Variants in CFAP61 observed in about 807,000 individuals in gnomAD.
The protein encoded by CFAP61 is cilia- and flagella-associated protein 61.
CFAP61 carries 107 observed loss-of-function variants against 135.6 expected under a neutral mutation model. The observed-to-expected ratio is 0.79, with a 90% CI of 0.67 to 0.93. The LOEUF (loss-of-function observed/expected upper bound fraction) is 0.93. CFAP61 is among the 40% of genes least tolerant of loss of function. The pLI is 0.00. For synonymous variants in CFAP61, 575 were observed against 578.5 expected (o/e 0.99, Z 0.09); for missense variants, 1,507 against 1,556.2 (o/e 0.97, Z 0.53).
chr20:20,188,050 A>G lies in CFAP61; in HGVS notation c.1506A>G (p.Lys502=), dbSNP rs762275150. 6 of 1,614,216 alleles carry G rather than the reference A, an allele frequency of 3.7e-6. No homozygotes were observed. The Admixed American group carries it at 1.0e-4, about 27-fold the overall frequency. Residue 502 remains lysine, a synonymous_variant, in exon 14 of 27, where the codon AAA becomes AAG. Coordinates refer to ENST00000245957, the MANE Select transcript of CFAP61 (RefSeq NM_015585.4). The part of the protein sequence containing the change: ...EDLDRYNKAR[K]DPDGTLLQAF... ...TAGACCGTTACAACAAGGCTCGCAA[A>G]GACCCTGTAAGTACCTGTTGTGACC... is the stretch of plus-strand genomic sequence containing the variant.
At chr20:20,070,002 C>T (rs1049610623) in intron 2 of CFAP61, 2 of 276,910 alleles carry the variant, frequency 7.2e-6, no homozygotes, top group African/African-American at 2.2e-5. Context: ...GTAAAAAATG[C>T]ATTTAAATTT....
At chr20:20,159,792 G>C (rs923627858) in intron 10 of CFAP61, among the ~76,000 whole-genome samples, 1 of 152,204 alleles carries the variant, frequency 6.6e-6, no homozygotes, top group African/African-American at 2.4e-5. Flanking sequence ...AGTTTTCTCT[G>C]TATCATATGC....
chr20:20,103,541 C>T (rs565054336), intron 8 of CFAP61, among the ~76,000 whole-genome samples: 5 of 152,204 alleles, frequency 3.3e-5, no homozygotes, highest in African/African-American at 1.2e-4. Context: ...CAGTCATACA[C>T]ACTTACAAAG....
chr20:20,177,590 G>A (rs2054728791), intron 13 of CFAP61, among the ~76,000 whole-genome samples: 1 of 151,658 alleles, frequency 6.6e-6, no homozygotes, highest in South Asian at 2.1e-4. Flanking sequence ...AAAATCCACA[G>A]CACTGACTGC....
rs993358609 is a variant in CFAP61 at position 20,196,689 on chromosome 20, C to T, written c.1710C>T (p.Tyr570=). 2.7e-5 allele frequency: 43 copies of T among 1,614,058 alleles called. No individual in the cohort carries two copies. Among genetic ancestry groups the T allele is most frequent in the Non-Finnish European group, 3.4e-5 (40 of 1,180,038 alleles). The change falls in exon 16 of 27, where the codon TAC becomes TAT. Residue 570 remains tyrosine, a synonymous_variant. Transcript: ENST00000245957. ...CCCTCAACCCCATTTTCCGGCACTA[C>T]ACCAAGTTCTTTCTGAAGGAGATCC... The part of the protein sequence containing the change: ...HFALNPIFRH[Y]TKFFLKEILR...
intron 2 of CFAP61, among the ~76,000 whole-genome samples, chr20:20,060,772 A>G (rs1184311834): frequency 6.6e-6 from 1 of 152,230 alleles, no homozygotes; most frequent in Admixed American, 6.5e-5. Flanking sequence ...TGCAACTTCC[A>G]CTGGGTCTCC....
chr20:20,089,297 C>T (rs1443684345), intron 6 of CFAP61, among the ~76,000 whole-genome samples: 1 of 152,050 alleles, frequency 6.6e-6, no homozygotes, highest in African/African-American at 2.4e-5. Flanking sequence ...TGCTCTCCTC[C>T]CTCTGCAAAG....
At chr20:20,324,861 C>T (rs921597591) in intron 25 of CFAP61, among the ~76,000 whole-genome samples, 4 of 152,098 alleles carry the variant, frequency 2.6e-5, no homozygotes, top group African/African-American at 4.8e-5. Context: ...CTGTGAATTG[C>T]GTGTCATTCT....
rs142893593 is a variant in CFAP61, at chr20:20,141,924, C to T, written c.860-933C>T. Among the ~76,000 whole-genome samples, 618 of 152,230 alleles carry T rather than the reference C, an allele frequency of 4.1e-3. 1 individual carries two copies. Among genetic ancestry groups the T allele is most frequent in the African/African-American group, 0.014 (583 of 41,540 alleles). On this transcript the variant is annotated intron_variant, in intron 8 of 26. Transcript: ENST00000245957. Reference sequence around the variant, plus strand: ...AGGGTCCCTCCTACATCTGTGGCAGCGCTTCTGAGGAGGGGCAGCCATGAG... The same window carrying T: ...AGGGTCCCTCCTACATCTGTGGCAGTGCTTCTGAGGAGGGGCAGCCATGAG...
chr20:20,090,767 C>G, intron 6 of CFAP61, 77 bp from the exon 7 acceptor site: 1 of 1,449,834 alleles, frequency 6.9e-7, no homozygotes, highest in Non-Finnish European at 9.6e-7. Context: ...AGAACAGGGT[C>G]TGGCACACAG....
At chr20:20,082,638 C>A (rs1203968831) in intron 6 of CFAP61, among the ~76,000 whole-genome samples, 4 of 152,178 alleles carry the variant, frequency 2.6e-5, no homozygotes, top group Non-Finnish European at 4.4e-5. Flanking sequence ...TATGTGCTTT[C>A]AAACAATGTT....
chr20:20,298,334 C>G lies in CFAP61; in HGVS notation c.3370C>G (p.Leu1124Val). The G allele has an allele frequency of 6.2e-7, 1 of 1,614,184 alleles. No individual in the cohort carries two copies. The highest frequency in any genetic ancestry group is 1.1e-5 in the South Asian group (1 of 91,072). The change falls in exon 25 of 27, where the codon CTC (leucine) becomes GTC (valine). Residue 1124 changes from leucine (L) to valine (V), a missense_variant. By Grantham distance (32) the Leu-to-Val change is conservative. Transcript: ENST00000245957. ...IRLFGQHEQLLNNLCARYDEN... is the reference protein window; with the variant it reads ...IRLFGQHEQLVNNLCARYDEN... ...CTTGTTTGGCCAGCACGAGCAACTC[C>G]TCAACAACCTGTGTGCTCGGTACGA...
At chr20:20,329,930 GT>G (rs1450425402) in intron 25 of CFAP61, among the ~76,000 whole-genome samples, 1 of 152,222 alleles carries the variant, frequency 6.6e-6, no homozygotes, top group Non-Finnish European at 1.5e-5. Context: ...GTACCGTATT[GT>G]GGTTCTCTTT....
chr20:20,318,141 T>C (rs574004381), intron 25 of CFAP61, among the ~76,000 whole-genome samples: 15 of 152,142 alleles, frequency 9.9e-5, no homozygotes, highest in Non-Finnish European at 1.9e-4. Context: ...GTGGATCTTA[T>C]GCAGGGTGCC....
chr20:20,138,907 A>G (rs997360236), intron 8 of CFAP61, among the ~76,000 whole-genome samples: 2 of 152,154 alleles, frequency 1.3e-5, no homozygotes, highest in Non-Finnish European at 2.9e-5. Flanking sequence ...ATTCTGTTCT[A>G]TTCTTGCCCC....
intron 25 of CFAP61, among the ~76,000 whole-genome samples, chr20:20,321,305 A>T (rs368088779): frequency 2.6e-5 from 4 of 152,176 alleles, no homozygotes; most frequent in Non-Finnish European, 5.9e-5. Flanking sequence ...GAAGAGTAGG[A>T]GGAGCTAGCA....
chr20:20,331,195 C>T (rs751452321), intron 25 of CFAP61, among the ~76,000 whole-genome samples: 1 of 152,068 alleles, frequency 6.6e-6, no homozygotes, highest in Non-Finnish European at 1.5e-5. Flanking sequence ...CCTTCTCCTC[C>T]GTTTATTTAC....
At chr20:20,214,453 C>T (rs2047894763) in intron 17 of CFAP61, 1 of 152,184 alleles carries the variant, frequency 6.6e-6, no homozygotes, top group Admixed American at 6.5e-5. Context: ...ATTCTCCCTC[C>T]ATGACTTGGA....
intron 9 of CFAP61, 146 bp downstream of exon 9, chr20:20,143,094 C>T (rs938379235): frequency 6.8e-6 from 4 of 587,828 alleles, no homozygotes; most frequent in African/African-American, 1.9e-5. Flanking sequence ...GTAAGCACAC[C>T]GCGAGCTGGG....
Sources: gnomAD v4.1 joint callset for allele counts (sites outside exome capture counted in the v4.1 genomes callset) on GRCh38, gnomAD v4.1.1 for gene constraint, MANE v1.5 for transcripts, NCBI Gene and HGNC (gene_info 2026-07-23, HGNC 2026-07-21) for gene names.